The following SLC8A1 variants were observed in gnomAD, a reference collection of about 807,000 sequenced individuals.
The protein encoded by SLC8A1 is solute carrier family 8 member A1.
A neutral mutation model predicts 68.3 loss-of-function variants in SLC8A1; 18 were observed. The ratio of observed to expected loss-of-function variants is 0.26; its 90% CI spans 0.18 to 0.39. The LOEUF (loss-of-function observed/expected upper bound fraction) is 0.39. SLC8A1 is among the 10% of genes least tolerant of loss of function. The pLI, the probability that SLC8A1 is intolerant of heterozygous loss-of-function variation, is 1.00. For missense variants in SLC8A1, 985 were observed against 1,156.7 expected (o/e 0.85, Z 2.15); for synonymous variants, 475 against 415.5 (o/e 1.14, Z -1.74).
At position 40,160,732 on chromosome 2, in the gene SLC8A1, T is replaced by A. The variant is rs569736289; in HGVS notation, c.2161+33A>T. 6 of 1,594,820 alleles carry A rather than the reference T, an allele frequency of 3.8e-6. No homozygotes were observed. In the African/African-American group the frequency reaches 8.0e-5, roughly 21 times the overall value. The stretch of plus-strand genomic sequence containing the variant: ...GAAAACTCAGCTCAGATTGGGCAAT[T>A]TTAATTTATAATATGCAGAGAAAGG... On this transcript the variant is annotated intron_variant, in intron 6 of 7. Transcript: ENST00000406785.
chr2:40,214,659 C>T (rs1030654710), intron 2 of SLC8A1, among the ~76,000 whole-genome samples: 2 of 151,692 alleles, frequency 1.3e-5, no homozygotes, highest in African/African-American at 4.8e-5. Context: ...AGGCTGGTCT[C>T]GAACTCCTGA....
intron 2 of SLC8A1, among the ~76,000 whole-genome samples, chr2:40,280,402 T>G (rs2067340311): frequency 6.6e-6 from 1 of 152,162 alleles, no homozygotes; most frequent in South Asian, 2.1e-4. Context: ...ATTTTTCACA[T>G]GAGTACATGG....
intron 2 of SLC8A1, among the ~76,000 whole-genome samples, chr2:40,249,801 CTG>C (rs2062457391): frequency 6.6e-6 from 1 of 152,170 alleles, no homozygotes; most frequent in African/African-American, 2.4e-5. Flanking sequence ...TGTCTCTACT[CTG>C]TATTATCTGC....
exon 8 of SLC8A1, chr2:40,100,382 GAGAA>G (rs2125022275): frequency 1.3e-5 from 2 of 152,184 alleles, no homozygotes; most frequent in African/African-American, 4.8e-5. Flanking sequence ...TAAAAAAAGA[GAGAA>G]AGAGAAAACA....
At chr2:40,318,561 T>G (rs2074783591) in intron 2 of SLC8A1, among the ~76,000 whole-genome samples, 1 of 152,090 alleles carries the variant, frequency 6.6e-6, no homozygotes, top group Admixed American at 6.6e-5. Flanking sequence ...CAGAATCACC[T>G]GACTTCAAAT....
At chr2:40,316,867 C>A (rs1053619804) in intron 2 of SLC8A1, among the ~76,000 whole-genome samples, 1 of 151,912 alleles carries the variant, frequency 6.6e-6, no homozygotes, top group Non-Finnish European at 1.5e-5. Flanking sequence ...GGAAAGCAAC[C>A]ATACCTCAGG....
chr2:40,240,915 A>G (rs1204348429), intron 2 of SLC8A1, among the ~76,000 whole-genome samples: 1 of 152,226 alleles, frequency 6.6e-6, no homozygotes, highest in Non-Finnish European at 1.5e-5. Flanking sequence ...TGTCACTTTT[A>G]AAATAGAGAC....
intron 2 of SLC8A1, among the ~76,000 whole-genome samples, chr2:40,371,821 C>T (rs1321403454): frequency 6.6e-6 from 1 of 152,086 alleles, no homozygotes; most frequent in Non-Finnish European, 1.5e-5. Context: ...GCTGTGACAT[C>T]ACTGATTCTT....
intron 2 of SLC8A1, among the ~76,000 whole-genome samples, chr2:40,301,929 C>T (rs1003195898): frequency 2.6e-5 from 4 of 151,956 alleles, no homozygotes; most frequent in East Asian, 1.9e-4. Context: ...GTGGCACAAT[C>T]GCAGCTCACT....
At chr2:40,491,080 T>G (rs1339026350) in intron 1 of SLC8A1, among the ~76,000 whole-genome samples, 1 of 152,130 alleles carries the variant, frequency 6.6e-6, no homozygotes, top group Non-Finnish European at 1.5e-5. Flanking sequence ...ACATTACTTG[T>G]TTCTCTCCTA....
chr2:40,302,304 T>C (rs1454941394), intron 2 of SLC8A1, among the ~76,000 whole-genome samples: 6 of 151,928 alleles, frequency 3.9e-5, no homozygotes, highest in African/African-American at 1.5e-4. Flanking sequence ...TTAGCTCCCA[T>C]TTATGAGTGA....
At chr2:40,213,448 T>A (rs2056954403) in intron 2 of SLC8A1, 1 of 152,200 alleles carries the variant, frequency 6.6e-6, no homozygotes, top group Non-Finnish European at 1.5e-5. Flanking sequence ...CACCAGCAAC[T>A]AAATCTTGAG....
chr2:40,174,670 G>T (rs1380832466), intron 4 of SLC8A1, 36 bp downstream of exon 6: 1 of 1,465,098 alleles, frequency 6.8e-7, no homozygotes, highest in Non-Finnish European at 9.4e-7. Context: ...AGGGTATTTG[G>T]GGAAAAATAA....
chr2:40,311,373 G>GA (rs1214033968), intron 2 of SLC8A1, among the ~76,000 whole-genome samples: 2 of 151,288 alleles, frequency 1.3e-5, no homozygotes, highest in Non-Finnish European at 2.9e-5. Context: ...TTTTTCTTCA[G>GA]AAAAAAAATT....
intron 7 of SLC8A1, among the ~76,000 whole-genome samples, chr2:40,137,771 G>A (rs1237138940): frequency 6.6e-6 from 1 of 152,164 alleles, no homozygotes; most frequent in Non-Finnish European, 1.5e-5. Flanking sequence ...TCAACTGAAC[G>A]ACTTCAAACA....
chr2:40,395,351 G>C (rs1156777403), intron 2 of SLC8A1, among the ~76,000 whole-genome samples: 2 of 152,090 alleles, frequency 1.3e-5, no homozygotes, highest in East Asian at 1.9e-4. Flanking sequence ...TTCAGACCAC[G>C]AATTCCTGTA....
intron 2 of SLC8A1, chr2:40,251,184 AT>A (rs746832956): frequency 1.3e-5 from 2 of 152,182 alleles, no homozygotes; most frequent in Non-Finnish European, 2.9e-5. Context: ...TAAAAAAAAA[AT>A]CAATAGAAAT....
intron 1 of SLC8A1, among the ~76,000 whole-genome samples, chr2:40,464,021 A>G (rs1703508947): frequency 6.6e-6 from 1 of 151,980 alleles, no homozygotes; most frequent in African/African-American, 2.4e-5. Context: ...CAGCCTCCTG[A>G]GTAGCTGGGA....
intron 2 of SLC8A1, among the ~76,000 whole-genome samples, chr2:40,234,125 A>T (rs1359230786): frequency 1.3e-5 from 2 of 152,110 alleles, no homozygotes; most frequent in African/African-American, 2.4e-5. Context: ...CTTTTTTCCA[A>T]TTCTGTGAAG....
Sources: allele counts gnomAD v4.1 joint callset (sites outside exome capture counted in the v4.1 genomes callset), GRCh38; gene constraint gnomAD v4.1.1; transcripts MANE v1.5; gene names NCBI Gene and HGNC (gene_info 2026-07-23, HGNC 2026-07-21).